The following CEP83 variants were observed in gnomAD, a reference collection of about 807,000 sequenced individuals.
CEP83 encodes the protein centrosomal protein of 83 kDa.
A neutral mutation model predicts 101.9 loss-of-function variants in CEP83; 70 were observed. The observed-to-expected ratio is 0.69, with a 90% CI of 0.57 to 0.84. CEP83 has a LOEUF of 0.84. Ranked by LOEUF, CEP83 falls within the 40% of genes least tolerant of loss-of-function variation. The probability of loss-of-function intolerance (pLI) is 0.00; values close to 1 mark genes in which losing one functional copy is unlikely to be tolerated. For missense variants in CEP83, 715 were observed against 787.2 expected (o/e 0.91, Z 1.10); for synonymous variants, 264 against 267.9 (o/e 0.99, Z 0.14).
intron 11 of CEP83, among the ~76,000 whole-genome samples, chr12:94,352,107 CCATAA>C (rs1430441663): frequency 2.6e-5 from 4 of 152,090 alleles, no homozygotes; most frequent in Non-Finnish European, 5.9e-5. Flanking sequence ...CCAGATGCAC[CCATAA>C]CATAGGGACA....
intron 7 of CEP83, among the ~76,000 whole-genome samples, chr12:94,378,062 T>TC (rs560443313): frequency 1.9e-4 from 29 of 151,150 alleles, no homozygotes; most frequent in Middle Eastern, 3.5e-3. Flanking sequence ...CCCGCTAATG[T>TC]CCCCCCCACC....
At chr12:94,320,308 G>A (rs2058694029) in intron 14 of CEP83, among the ~76,000 whole-genome samples, 1 of 152,116 alleles carries the variant, frequency 6.6e-6, no homozygotes, top group South Asian at 2.1e-4. Context: ...TTGCCACTCT[G>A]TGCCTTTTAA....
chr12:94,272,799 A>T, the CEP83 span, among the ~76,000 whole-genome samples: 1 of 152,188 alleles, frequency 6.6e-6, no homozygotes, highest in Non-Finnish European at 1.5e-5. Context: ...CTTGGGTGGC[A>T]CCGGAGGCAC....
chr12:94,315,378 C>T (rs1463861753), intron 14 of CEP83, among the ~76,000 whole-genome samples: 1 of 152,024 alleles, frequency 6.6e-6, no homozygotes. Context: ...ATCTGGATAT[C>T]CCTTCTTTGT....
chr12:94,286,079 C>A, the CEP83 span, among the ~76,000 whole-genome samples: 1 of 152,228 alleles, frequency 6.6e-6, no homozygotes, highest in Non-Finnish European at 1.5e-5. Flanking sequence ...TCAGTCTTCA[C>A]TGCAGACATC....
chr12:94,396,878 G>T (rs2062933304), intron 6 of CEP83, among the ~76,000 whole-genome samples: 1 of 152,118 alleles, frequency 6.6e-6, no homozygotes, highest in South Asian at 2.1e-4. Flanking sequence ...TTGTAAAATT[G>T]GAAGATGACA....
At chr12:94,344,614 T>C (rs2059847352) in intron 11 of CEP83, among the ~76,000 whole-genome samples, 1 of 152,034 alleles carries the variant, frequency 6.6e-6, no homozygotes, top group Admixed American at 6.6e-5. Flanking sequence ...GAAATAAAAT[T>C]GAATCAAAGA....
chr12:94,443,418 A>T (rs1485750136), intron 1 of CEP83, among the ~76,000 whole-genome samples: 5 of 152,000 alleles, frequency 3.3e-5, no homozygotes, highest in Non-Finnish European at 7.3e-5. Context: ...AAAAGTGAAC[A>T]GAAAGAGTAG....
At chr12:94,395,869 G>A (rs931124829) in intron 6 of CEP83, among the ~76,000 whole-genome samples, 1 of 152,118 alleles carries the variant, frequency 6.6e-6, no homozygotes, top group Non-Finnish European at 1.5e-5. Context: ...GGAACCAGGG[G>A]AGTTCTCTTT....
rs1369636218 is a variant in CEP83, at chr12:94,370,027, G to A, written c.943C>T (p.Leu315Phe). The change falls in exon 9 of 17, where the codon CTT becomes TTT. Residue 315 changes from leucine to phenylalanine, a missense_variant. Transcript: ENST00000397809. ...INTLSSKVKE[L>F]KHSNKLEITD... The stretch of plus-strand genomic sequence containing the variant: ...ATTTCCAGTTTGTTTGAATGTTTAA[G>A]TTCTTTTACCTGTTGATAATTAAAA... 6.3e-7 allele frequency: 1 copy of A among 1,585,866 alleles called. No individual in the cohort carries two copies. Among genetic ancestry groups the A allele is most frequent in the Admixed American group, 1.7e-5 (1 of 59,646 alleles).
intron 11 of CEP83, among the ~76,000 whole-genome samples, chr12:94,337,522 T>C (rs957398224): frequency 6.6e-5 from 10 of 152,190 alleles, no homozygotes; most frequent in Non-Finnish European, 1.0e-4. Flanking sequence ...AAAAGGCAGA[T>C]AGTTTCAAAA....
chr12:94,387,761 T>C (rs1268345251), intron 6 of CEP83, among the ~76,000 whole-genome samples: 2 of 151,818 alleles, frequency 1.3e-5, no homozygotes, highest in Non-Finnish European at 2.9e-5. Context: ...CATAATAAAG[T>C]AGGCAAAGTA....
At position 94,369,851 on chromosome 12, in the gene CEP83, C is replaced by G. The variant is rs576918185; in HGVS notation, c.1048+71G>C. The G allele has an allele frequency of 8.7e-6, 7 of 804,250 alleles. No homozygotes were observed. In the African/African-American group the frequency reaches 1.0e-4, roughly 12 times the overall value. The allele number at this position is 804,250 out of a possible 1,614,324, so 49.8% of individuals were successfully genotyped here. On this transcript the variant is annotated intron_variant, in intron 9 of 16. Coordinates refer to ENST00000397809, the MANE Select transcript of CEP83 (RefSeq NM_016122.3). ...TTTGGAAATAAAAATTCAGATTCAACTATTTTAATAATTTGAGTTCATATC... is the reference window on the plus strand; with the variant it reads ...TTTGGAAATAAAAATTCAGATTCAAGTATTTTAATAATTTGAGTTCATATC...
chr12:94,412,904 G>A (rs1300678061), intron 2 of CEP83, among the ~76,000 whole-genome samples: 1 of 151,344 alleles, frequency 6.6e-6, no homozygotes, highest in Non-Finnish European at 1.5e-5. Context: ...CCAGGCTGGA[G>A]TACAGTGGCG....
intron 11 of CEP83, among the ~76,000 whole-genome samples, chr12:94,356,507 T>C (rs924665001): frequency 2.0e-5 from 3 of 152,194 alleles, no homozygotes; most frequent in Non-Finnish European, 4.4e-5. Flanking sequence ...CGATGGCTCT[T>C]AGTTCTATTA....
chr12:94,450,774 A>G (rs563847308), intron 1 of CEP83, among the ~76,000 whole-genome samples: 1 of 152,370 alleles, frequency 6.6e-6, no homozygotes, highest in South Asian at 2.1e-4. Context: ...TGGTTAAGTT[A>G]GTGATTCTTC....
chr12:94,290,496 G>A, the CEP83 span, among the ~76,000 whole-genome samples: 15 of 151,164 alleles, frequency 9.9e-5, no homozygotes, highest in Admixed American at 9.9e-4. Context: ...GATGGCCCCA[G>A]CCGGCCCCTG....
At chr12:94,343,773 G>A (rs1403819674) in intron 11 of CEP83, among the ~76,000 whole-genome samples, 5 of 151,848 alleles carry the variant, frequency 3.3e-5, no homozygotes, top group African/African-American at 1.2e-4. Context: ...GATTACAGGC[G>A]TGAGCCACCG....
chr12:94,350,715 A>G (rs934522624), intron 11 of CEP83, among the ~76,000 whole-genome samples: 1 of 152,200 alleles, frequency 6.6e-6, no homozygotes, highest in Non-Finnish European at 1.5e-5. Context: ...AGGAGAAAAT[A>G]TTTGCAAATC....
Sources: gnomAD v4.1 joint callset for allele counts (sites outside exome capture counted in the v4.1 genomes callset) on GRCh38, gnomAD v4.1.1 for gene constraint, MANE v1.5 for transcripts, NCBI Gene and HGNC (gene_info 2026-07-23, HGNC 2026-07-21) for gene names.